The following MOB3B variants were observed in gnomAD, a reference collection of about 807,000 sequenced individuals.
MOB3B encodes the protein MOB kinase activator-like 2B.
A neutral mutation model predicts 18.7 loss-of-function variants in MOB3B; 7 were observed. That is an observed-to-expected ratio of 0.37 (90% CI 0.21 to 0.70). The LOEUF is 0.70. MOB3B is among the 30% of genes least tolerant of loss of function. MOB3B has a pLI of 0.52. For missense variants in MOB3B, 253 were observed against 281.3 expected (o/e 0.90, Z 0.72); for synonymous variants, 111 against 99.9 (o/e 1.11, Z -0.66).
chr9:27,389,449 T>C (rs919601257), intron 2 of MOB3B, among the ~76,000 whole-genome samples: 4 of 82,486 alleles, frequency 4.8e-5, no homozygotes, highest in African/African-American at 2.6e-4. Context: ...CTACTTCAGG[T>C]CCTGGCATGC....
chr9:27,506,772 C>T (rs567438994), intron 1 of MOB3B, among the ~76,000 whole-genome samples: 75 of 151,812 alleles, frequency 4.9e-4, no homozygotes, highest in Admixed American at 7.9e-4. Flanking sequence ...CCTCGTGATC[C>T]GCCAGCCTCG....
chr9:27,349,790 A>G (rs10967904), intron 3 of MOB3B, among the ~76,000 whole-genome samples: 17,443 of 152,208 alleles, frequency 0.11, 2,616 homozygotes, highest in African/African-American at 0.35. Context: ...ATTCCTATCA[A>G]TAAAGTAGGA....
intron 1 of MOB3B, among the ~76,000 whole-genome samples, chr9:27,510,989 G>A (rs1041016060): frequency 2.0e-5 from 3 of 152,040 alleles, no homozygotes; most frequent in African/African-American, 7.2e-5. Flanking sequence ...TATTTGCCAG[G>A]TCCCATAAGT....
At chr9:27,477,864 A>G (rs2131473627) in intron 1 of MOB3B, among the ~76,000 whole-genome samples, 1 of 152,344 alleles carries the variant, frequency 6.6e-6, no homozygotes, top group South Asian at 2.1e-4. Context: ...ATTTGAGAAC[A>G]GGTGACATGG....
chr9:27,399,419 T>C (rs779271880), intron 2 of MOB3B, among the ~76,000 whole-genome samples: 1 of 152,228 alleles, frequency 6.6e-6, no homozygotes, highest in Non-Finnish European at 1.5e-5. Context: ...CAGACCATTA[T>C]GGCTTTGGGG....
At chr9:27,409,730 T>C (rs1368130070) in intron 2 of MOB3B, among the ~76,000 whole-genome samples, 1 of 152,304 alleles carries the variant, frequency 6.6e-6, no homozygotes, top group East Asian at 1.9e-4. Context: ...GTGGTATATA[T>C]ATAAAATGAA....
chr9:27,468,094 A>T (rs1361403915), intron 1 of MOB3B, among the ~76,000 whole-genome samples: 1 of 152,212 alleles, frequency 6.6e-6, no homozygotes, highest in Non-Finnish European at 1.5e-5. Context: ...TGTTTAAGAC[A>T]TAACTTACTC....
intron 2 of MOB3B, among the ~76,000 whole-genome samples, chr9:27,394,503 G>A (rs1821773913): frequency 6.6e-6 from 1 of 152,178 alleles, no homozygotes; most frequent in Admixed American, 6.5e-5. Context: ...AATCCCAAAT[G>A]AGCTATAAAG....
At chr9:27,508,905 A>T (rs1430031628) in intron 1 of MOB3B, among the ~76,000 whole-genome samples, 1 of 152,162 alleles carries the variant, frequency 6.6e-6, no homozygotes, top group Non-Finnish European at 1.5e-5. Context: ...TAATCCTTCC[A>T]CTACTCCTGG....
intron 1 of MOB3B, among the ~76,000 whole-genome samples, chr9:27,527,314 T>A (rs1228392113): frequency 2.0e-5 from 3 of 152,230 alleles, no homozygotes; most frequent in Non-Finnish European, 4.4e-5. Context: ...TTGGGGATCA[T>A]TTTCATAATG....
intron 3 of MOB3B, among the ~76,000 whole-genome samples, chr9:27,341,646 A>G (rs1286035319): frequency 1.3e-5 from 2 of 152,162 alleles, no homozygotes; most frequent in African/African-American, 2.4e-5. Context: ...TCACAGAGAG[A>G]AATTTGGTCT....
chr9:27,368,385 C>CAT, intron 2 of MOB3B, among the ~76,000 whole-genome samples: 1 of 149,640 alleles, frequency 6.7e-6, no homozygotes, highest in South Asian at 2.1e-4. Flanking sequence ...CACACACACA[C>CAT]ATACAGAGAG....
intron 2 of MOB3B, among the ~76,000 whole-genome samples, chr9:27,405,577 T>C (rs946100379): frequency 1.3e-5 from 2 of 152,186 alleles, no homozygotes; most frequent in African/African-American, 4.8e-5. Context: ...CAGAAGCTTT[T>C]TAGCTTGATC....
intron 1 of MOB3B, among the ~76,000 whole-genome samples, chr9:27,467,204 T>C (rs1352714200): frequency 1.3e-5 from 2 of 152,202 alleles, no homozygotes; most frequent in African/African-American, 2.4e-5. Flanking sequence ...AAAAGAGGTC[T>C]ACCTTTAGAG....
chr9:27,365,782 G>A (rs1821335440), intron 2 of MOB3B, among the ~76,000 whole-genome samples: 1 of 152,256 alleles, frequency 6.6e-6, no homozygotes, highest in Non-Finnish European at 1.5e-5. Flanking sequence ...ATATCCAGGT[G>A]TCCAAGGATA....
intron 1 of MOB3B, among the ~76,000 whole-genome samples, chr9:27,492,272 C>G (rs1218352976): frequency 6.6e-6 from 1 of 152,076 alleles, no homozygotes; most frequent in East Asian, 1.9e-4. Flanking sequence ...GCATAAGGTT[C>G]ACACTCATTA....
chr9:27,358,774 C>T (rs1587153159), intron 3 of MOB3B: 2 of 676,124 alleles, frequency 3.0e-6, no homozygotes, highest in African/African-American at 1.7e-5. Flanking sequence ...AAAGTTAAAG[C>T]TACTCCCTCT....
intron 2 of MOB3B, among the ~76,000 whole-genome samples, chr9:27,363,719 G>T (rs975742203): frequency 6.6e-6 from 1 of 152,044 alleles, no homozygotes; most frequent in African/African-American, 2.4e-5. Flanking sequence ...GGGAAGGTGA[G>T]GGACAAGAAT....
intron 2 of MOB3B, among the ~76,000 whole-genome samples, chr9:27,426,248 T>C (rs1392124391): frequency 2.0e-5 from 3 of 152,198 alleles, no homozygotes; most frequent in Non-Finnish European, 2.9e-5. Context: ...TTGGTATAAA[T>C]AAAGTCATGT....
Sources: allele counts gnomAD v4.1 joint callset (sites outside exome capture counted in the v4.1 genomes callset), GRCh38; gene constraint gnomAD v4.1.1; transcripts MANE v1.5; gene names NCBI Gene and HGNC (gene_info 2026-07-23, HGNC 2026-07-21).